Variants in B3GALT1 observed in about 807,000 individuals in gnomAD.
B3GALT1 encodes the protein beta-1,3-galactosyltransferase 1, also known as UDP-Gal:betaGlcNAc beta 1,3-galactosyltransferase, polypeptide 1.
Under a neutral mutation model 23.2 loss-of-function variants are expected in B3GALT1, and 10 were observed. That is an observed-to-expected ratio of 0.43 (90% CI 0.27 to 0.73). The LOEUF (loss-of-function observed/expected upper bound fraction) is 0.73, where lower values mean the gene tolerates loss of function less well. Among genes scored for constraint, B3GALT1 ranks in the 30% least tolerant of loss-of-function variants. The probability of loss-of-function intolerance (pLI) is 0.21; values close to 1 mark genes in which losing one functional copy is unlikely to be tolerated. For synonymous variants in B3GALT1, 156 were observed against 141.5 expected (o/e 1.10, Z -0.73); for missense variants, 299 against 405.4 (o/e 0.74, Z 2.25).
At chr2:167,434,435 C>T (rs1012745564) in intron 1 of B3GALT1, among the ~76,000 whole-genome samples, 1 of 151,362 alleles carries the variant, frequency 6.6e-6, no homozygotes, top group Non-Finnish European at 1.5e-5. Context: ...CCCACTCTCC[C>T]ACCCCCCAAT....
intron 2 of B3GALT1, among the ~76,000 whole-genome samples, chr2:167,566,408 G>A (rs576134530): frequency 1.3e-5 from 2 of 151,788 alleles, no homozygotes; most frequent in African/African-American, 2.4e-5. Flanking sequence ...GCTAAATGAC[G>A]AGTTAATGGG....
At chr2:167,706,193 A>G (rs546009608) in intron 3 of B3GALT1, among the ~76,000 whole-genome samples, 1 of 152,326 alleles carries the variant, frequency 6.6e-6, no homozygotes, top group Non-Finnish European at 1.5e-5. Context: ...TCATTCAACC[A>G]AGCTTAGTCT....
chr2:167,306,195 C>T (rs1026962841), intron 1 of B3GALT1, among the ~76,000 whole-genome samples: 1 of 151,864 alleles, frequency 6.6e-6, no homozygotes. Flanking sequence ...AAATGGCCAA[C>T]AATAGACTTA....
chr2:167,453,468 TCTA>T (rs978401786), intron 1 of B3GALT1, among the ~76,000 whole-genome samples: 1 of 152,246 alleles, frequency 6.6e-6, no homozygotes, highest in African/African-American at 2.4e-5. Flanking sequence ...ATGTATATAT[TCTA>T]CTAATTATCA....
chr2:167,301,653 C>T (rs1229820007), intron 1 of B3GALT1, among the ~76,000 whole-genome samples: 1 of 152,164 alleles, frequency 6.6e-6, no homozygotes, highest in Non-Finnish European at 1.5e-5. Flanking sequence ...CAGGTTCAAG[C>T]GATTCTCCTG....
intron 2 of B3GALT1, chr2:167,558,253 G>A (rs1683890435): frequency 6.6e-6 from 1 of 152,170 alleles, no homozygotes; most frequent in Non-Finnish European, 1.5e-5. Flanking sequence ...TGGAGAAGAT[G>A]AAAAGAAAAA....
chr2:167,758,588 C>T (rs1687853537), intron 3 of B3GALT1, among the ~76,000 whole-genome samples: 1 of 152,056 alleles, frequency 6.6e-6, no homozygotes, highest in South Asian at 2.1e-4. Context: ...GATGCTGCTC[C>T]CCACCACTGC....
chr2:167,375,247 T>A (rs144195149), intron 1 of B3GALT1, among the ~76,000 whole-genome samples: 1 of 152,180 alleles, frequency 6.6e-6, no homozygotes, highest in African/African-American at 2.4e-5. Context: ...TGTCGACTTA[T>A]AGTATAGTTT....
chr2:167,639,801 A>G (rs1405358836), intron 2 of B3GALT1, among the ~76,000 whole-genome samples: 1 of 152,094 alleles, frequency 6.6e-6, no homozygotes, highest in African/African-American at 2.4e-5. Flanking sequence ...CAAAAGAAAT[A>G]ATTAAGTTGA....
chr2:167,740,054 G>A (rs926674553), intron 3 of B3GALT1, among the ~76,000 whole-genome samples: 1 of 151,368 alleles, frequency 6.6e-6, no homozygotes, highest in Admixed American at 6.6e-5. Flanking sequence ...AGCCATGATT[G>A]CACTGCCATA....
At chr2:167,584,314 T>C (rs888045141) in intron 2 of B3GALT1, among the ~76,000 whole-genome samples, 3 of 152,168 alleles carry the variant, frequency 2.0e-5, no homozygotes, top group Non-Finnish European at 4.4e-5. Flanking sequence ...GAGCCCTTTA[T>C]CCCCTTGAAG....
rs139763898 is a variant in B3GALT1, at chr2:167,463,467, T to C, written c.-510-26710T>C. Among the ~76,000 whole-genome samples the C allele has an allele frequency of 1.7e-4, 26 of 152,270 alleles. No individual in the cohort carries two copies. In the East Asian group the frequency reaches 4.8e-3, roughly 28 times the overall value. ...TATTTTACCTGTATTGTCTATAAAA[T>C]TCTTCTTACAAACCCAAGGTAATAG... On this transcript the variant is annotated intron_variant, in intron 1 of 4. Coordinates refer to ENST00000392690, the MANE Select transcript of B3GALT1 (RefSeq NM_020981.4).
chr2:167,342,852 GT>G (rs1203085986), intron 1 of B3GALT1, among the ~76,000 whole-genome samples: 50 of 152,134 alleles, frequency 3.3e-4, no homozygotes, highest in Admixed American at 3.3e-3. Context: ...TGTTACATCT[GT>G]GTTTACTGAT....
intron 2 of B3GALT1, among the ~76,000 whole-genome samples, chr2:167,511,993 C>T (rs1484668182): frequency 6.6e-6 from 1 of 151,968 alleles, no homozygotes; most frequent in African/African-American, 2.4e-5. Flanking sequence ...ATTCTGACAA[C>T]AGGAGATATA....
intron 2 of B3GALT1, among the ~76,000 whole-genome samples, chr2:167,596,962 T>C (rs889346187): frequency 6.6e-6 from 1 of 152,148 alleles, no homozygotes; most frequent in Non-Finnish European, 1.5e-5. Context: ...ATGTTAAGGA[T>C]GAGAGAAGTG....
At chr2:167,513,931 G>A (rs927097854) in intron 2 of B3GALT1, among the ~76,000 whole-genome samples, 1 of 151,962 alleles carries the variant, frequency 6.6e-6, no homozygotes, top group Non-Finnish European at 1.5e-5. Context: ...TCTTGAGACA[G>A]AGTCTCTCTC....
chr2:167,684,962 C>G (rs1306296180), intron 3 of B3GALT1, among the ~76,000 whole-genome samples: 1 of 152,194 alleles, frequency 6.6e-6, no homozygotes, highest in East Asian at 1.9e-4. Context: ...ACCACCACCA[C>G]TTAAATCTGA....
intron 3 of B3GALT1, among the ~76,000 whole-genome samples, chr2:167,693,639 C>A (rs1233902089): frequency 1.3e-5 from 2 of 152,060 alleles, no homozygotes; most frequent in Non-Finnish European, 1.5e-5. Flanking sequence ...ATGATAAGTT[C>A]AGATATTTCA....
At chr2:167,463,733 A>T (rs1248506041) in intron 1 of B3GALT1, among the ~76,000 whole-genome samples, 1 of 152,222 alleles carries the variant, frequency 6.6e-6, no homozygotes, top group African/African-American at 2.4e-5. Flanking sequence ...CAAGTAAAAG[A>T]TATGAAAATG....
Sources: gnomAD v4.1 joint callset for allele counts (sites outside exome capture counted in the v4.1 genomes callset) on GRCh38, gnomAD v4.1.1 for gene constraint, MANE v1.5 for transcripts, NCBI Gene and HGNC (gene_info 2026-07-23, HGNC 2026-07-21) for gene names.